Variants in RORA observed in about 807,000 individuals in gnomAD.
The protein encoded by RORA is RAR related orphan receptor A, also known as nuclear receptor ROR-alpha.
In RORA, 7 loss-of-function variants were observed where a neutral mutation model predicts 69.5. The observed-to-expected ratio is 0.10, with a 90% CI of 0.06 to 0.19. The LOEUF (loss-of-function observed/expected upper bound fraction) is 0.19. Ranked by LOEUF, RORA falls within the 10% of genes least tolerant of loss-of-function variation. The pLI, the probability that RORA is intolerant of heterozygous loss-of-function variation, is 1.00. For missense variants in RORA, 457 were observed against 663.0 expected, an observed-to-expected ratio of 0.69 and a Z score of 3.41; for synonymous variants, 261 against 240.8, an observed-to-expected ratio of 1.08 and a Z score of -0.78.
At chr15:60,890,160 G>A (rs143777470) in intron 1 of RORA, among the ~76,000 whole-genome samples, 1,782 of 152,250 alleles carry the variant, frequency 0.012, 22 homozygotes, top group Non-Finnish European at 0.019. Flanking sequence ...ATCAGTACTT[G>A]TTTAAAGTCA....
At chr15:60,825,679 C>T (rs567515555) in intron 1 of RORA, among the ~76,000 whole-genome samples, 13 of 152,284 alleles carry the variant, frequency 8.5e-5, no homozygotes, top group African/African-American at 3.1e-4. Flanking sequence ...CGAAGAACAG[C>T]GAACTGGTAC....
intron 1 of RORA, among the ~76,000 whole-genome samples, chr15:61,137,102 A>G (rs923244618): frequency 1.3e-5 from 2 of 149,742 alleles, no homozygotes; most frequent in East Asian, 2.0e-4. Context: ...AAAGAAAGAA[A>G]AAAGCAAGGG....
intron 1 of RORA, among the ~76,000 whole-genome samples, chr15:60,684,328 C>G (rs190338925): frequency 2.5e-3 from 379 of 152,206 alleles, no homozygotes; most frequent in African/African-American, 8.7e-3. Context: ...CATTAAAAAA[C>G]GAACAGGCTG....
intron 1 of RORA, chr15:60,686,950 A>C (rs1033597467): frequency 6.6e-6 from 1 of 152,302 alleles, no homozygotes; most frequent in African/African-American, 2.4e-5. Flanking sequence ...CAGCATACCA[A>C]GTCAAGGCAA....
chr15:60,938,640 C>G (rs1892599109), intron 1 of RORA, among the ~76,000 whole-genome samples: 2 of 152,184 alleles, frequency 1.3e-5, no homozygotes, highest in Admixed American at 1.3e-4. Flanking sequence ...GAGGGAAACA[C>G]TCACTTAAAC....
rs187923454 is a variant in RORA at position 60,859,443 on chromosome 15, C to T, written c.167-180757G>A. On this transcript the variant is annotated intron_variant, in intron 1 of 10. Transcript: ENST00000335670. ...GAAGTACAGAGATCTCGAGCTCCAC[C>T]CCAGACTTACTGAATCTGAATTTTC... 3.9e-3 allele frequency among the ~76,000 whole-genome samples: 586 copies of T among 151,714 alleles called. 4 individuals carry two copies. Among genetic ancestry groups the T allele is most frequent in the African/African-American group, 0.013 (555 of 41,354 alleles).
rs1555403817 is a variant in RORA at position 61,033,419 on chromosome 15, C to CAAACAAACAAA, written c.166+195633_166+195634insTTTGTTTGTTT. ...TATAGCTTTATTCTGAAAAAAAAAA[C>CAAACAAACAAA]AAAAACCAGTTTTGCTCTCAGTGGG... On this transcript the variant is annotated intron_variant, in intron 1 of 10. Transcript: ENST00000335670. Among the ~76,000 whole-genome samples the CAAACAAACAAA allele has an allele frequency of 8.1e-4, 122 of 150,646 alleles. 1 individual carries two copies. Among genetic ancestry groups the CAAACAAACAAA allele is most frequent in the African/African-American group, 2.9e-3 (117 of 40,842 alleles).
At chr15:60,671,914 C>G (rs1411330061) in intron 2 of RORA, among the ~76,000 whole-genome samples, 1 of 151,786 alleles carries the variant, frequency 6.6e-6, no homozygotes, top group Non-Finnish European at 1.5e-5. Flanking sequence ...GCCCAGCCAG[C>G]AAGACCCTGT....
Position 61,229,084 on chromosome 15 carries a change from C to A in RORA, c.135G>T (p.Val45=), listed in dbSNP as rs911354869. 3 of 1,537,648 alleles carry A rather than the reference C, an allele frequency of 2.0e-6. No individual in the cohort carries two copies. Among genetic ancestry groups the A allele is most frequent in the Non-Finnish European group, 2.6e-6 (3 of 1,142,446 alleles). ...SARKSEPPAP[V]RRQSYSSTSR... ...TGGTGCTGGAATAGCTCTGTCTGCGCACCGGGGCAGGCGGCTCGCTCTTGC... is the reference window on the plus strand; with the variant it reads ...TGGTGCTGGAATAGCTCTGTCTGCGAACCGGGGCAGGCGGCTCGCTCTTGC... The change falls in exon 1 of 11, where the codon GTG becomes GTT. Residue 45 remains valine (V), a synonymous_variant. Transcript: ENST00000335670.
rs111508516 is a variant in RORA at position 60,833,969 on chromosome 15, T to C, written c.167-155283A>G. On this transcript the variant is annotated intron_variant, in intron 1 of 10. Transcript: ENST00000335670. ...ACTATAGGAATACATCATCAACCAG[T>C]AAGCACCTTAGCCATGCTAATTGTT... Among the ~76,000 whole-genome samples, 532 of 152,342 alleles carry C rather than the reference T, an allele frequency of 3.5e-3. 6 individuals carry two copies. Among genetic ancestry groups the C allele is most frequent in the African/African-American group, 0.012 (505 of 41,588 alleles).
chr15:60,883,599 T>C (rs184677796), intron 1 of RORA, among the ~76,000 whole-genome samples: 1 of 152,314 alleles, frequency 6.6e-6, no homozygotes, highest in East Asian at 1.9e-4. Flanking sequence ...TAATAATTAT[T>C]GTTGAATGAT....
rs201973429 is a variant in RORA, at chr15:60,511,272, C to T, written c.774G>A (p.Ser258=). 5.9e-5 allele frequency: 96 copies of T among 1,614,068 alleles called. No homozygotes were observed. Among genetic ancestry groups the T allele is most frequent in the Admixed American group, 1.0e-4 (6 of 60,024 alleles). Residue 258 remains serine, a synonymous_variant, in exon 5 of 11, where the codon TCG becomes TCA. Transcript: ENST00000335670. This position sits in a 1 kb window ranked among gnomAD's most constrained non-coding sequence, Gnocchi z 6.4. ...TPASGFFPYC[S]FTNGETSPTV... is the part of the protein sequence containing the mutation. Reference sequence around the variant, plus strand: ...TTGGGGAAGTCTCGCCGTTGGTGAACGAACAGTAGGGAAAGAAGCCTGATG... The same window carrying T: ...TTGGGGAAGTCTCGCCGTTGGTGAATGAACAGTAGGGAAAGAAGCCTGATG...
At chr15:60,979,064 C>G (rs773882828) in intron 1 of RORA, among the ~76,000 whole-genome samples, 33 of 149,870 alleles carry the variant, frequency 2.2e-4, no homozygotes, top group Non-Finnish European at 4.4e-4. Flanking sequence ...CAGGTTCACA[C>G]CATTCTCCTG....
chr15:61,227,291 C>G (rs913984955), intron 1 of RORA, among the ~76,000 whole-genome samples: 4 of 151,810 alleles, frequency 2.6e-5, no homozygotes, highest in African/African-American at 9.7e-5. Flanking sequence ...ATAACCCGCT[C>G]GCATTCCAAA....
chr15:60,823,722 A>G (rs1466495720), intron 1 of RORA, among the ~76,000 whole-genome samples: 1 of 152,214 alleles, frequency 6.6e-6, no homozygotes, highest in Non-Finnish European at 1.5e-5. Context: ...GTAGGTAACT[A>G]GGAATTTTTT....
At chr15:60,545,766 G>C (rs1258945634) in intron 2 of RORA, among the ~76,000 whole-genome samples, 1 of 152,148 alleles carries the variant, frequency 6.6e-6, no homozygotes, top group African/African-American at 2.4e-5. Flanking sequence ...TAACCTCAAA[G>C]AATGTCTTCT....
intron 1 of RORA, among the ~76,000 whole-genome samples, chr15:60,846,488 C>T (rs559778375): frequency 3.5e-4 from 53 of 152,310 alleles, no homozygotes; most frequent in African/African-American, 1.1e-3. Flanking sequence ...GGGAAACATT[C>T]CACCCCTTTT....
intron 1 of RORA, among the ~76,000 whole-genome samples, chr15:61,082,848 T>G (rs867016617): frequency 1.3e-5 from 2 of 152,204 alleles, no homozygotes; most frequent in African/African-American, 4.8e-5. Context: ...AATAATTGAT[T>G]TGATCTGTTT....
intron 2 of RORA, among the ~76,000 whole-genome samples, chr15:60,606,165 A>C (rs1162322277): frequency 6.6e-6 from 1 of 152,202 alleles, no homozygotes; most frequent in African/African-American, 2.4e-5. Context: ...CTGGGCTCTG[A>C]CTCACAGCAA....
Sources: gnomAD v4.1 joint callset for allele counts (sites outside exome capture counted in the v4.1 genomes callset) on GRCh38, gnomAD v4.1.1 for gene constraint, Gnocchi (gnomAD v3.1) non-coding constraint, MANE v1.5 for transcripts, NCBI Gene and HGNC (gene_info 2026-07-23, HGNC 2026-07-21) for gene names.